CCBE1: variants seen among roughly 807,000 people sequenced by gnomAD.
The protein encoded by CCBE1 is collagen and calcium binding EGF domains 1.
A neutral mutation model predicts 50.0 loss-of-function variants in CCBE1; 37 were observed. The observed-to-expected ratio is 0.74, with a 90% CI of 0.57 to 0.97. The LOEUF is 0.97. Among genes scored for constraint, CCBE1 ranks in the 50% least tolerant of loss-of-function variants. The pLI is 0.00. For synonymous variants in CCBE1, 234 were observed against 203.7 expected, an observed-to-expected ratio of 1.15 and a Z score of -1.27; for missense variants, 538 against 523.8, an observed-to-expected ratio of 1.03 and a Z score of -0.26.
intron 2 of CCBE1, among the ~76,000 whole-genome samples, chr18:59,615,656 C>T (rs1022600801): frequency 6.6e-6 from 1 of 152,118 alleles, no homozygotes; most frequent in Non-Finnish European, 1.5e-5. Context: ...CAATATGATA[C>T]TTGGCATATA....
chr18:59,627,025 T>C (rs2053793634), intron 2 of CCBE1, among the ~76,000 whole-genome samples: 1 of 152,244 alleles, frequency 6.6e-6, no homozygotes, highest in Admixed American at 6.5e-5. Flanking sequence ...TTGATTTAGT[T>C]GATGATCCTG....
In CCBE1 at chr18:59,658,398, T is replaced by A. The variant is rs1250187236; in HGVS notation, c.212+38231A>T. Among the ~76,000 whole-genome samples, 11 of 42,726 alleles carry A rather than the reference T, an allele frequency of 2.6e-4. 2 individuals carry two copies. Among genetic ancestry groups the A allele is most frequent in the Non-Finnish European group, 3.7e-4 (9 of 24,164 alleles). 28.0% of individuals were successfully genotyped at this position (42,726 alleles called of 152,430 possible). A position where few individuals can be genotyped will look rare whatever the true frequency, so the allele number is the denominator to read the frequency against. On this transcript the variant is annotated intron_variant, in intron 2 of 10. Coordinates refer to ENST00000439986, the MANE Select transcript of CCBE1 (RefSeq NM_133459.4). Reference sequence around the variant, plus strand: ...ATATATATATATATATATATATATATATATATATATATATATATAAAGTTA... The same window carrying A: ...ATATATATATATATATATATATATAAATATATATATATATATATAAAGTTA...
At chr18:59,488,851 C>T (rs942924473) in intron 2 of CCBE1, among the ~76,000 whole-genome samples, 2 of 152,138 alleles carry the variant, frequency 1.3e-5, no homozygotes, top group Non-Finnish European at 2.9e-5. Context: ...TGTAAAAAGA[C>T]ATCTGCTGTT....
chr18:59,501,482 T>A (rs143799591), intron 2 of CCBE1, among the ~76,000 whole-genome samples: 1 of 152,276 alleles, frequency 6.6e-6, no homozygotes, highest in Non-Finnish European at 1.5e-5. Flanking sequence ...ACAAGCTGTG[T>A]GGAAGGGAAC....
chr18:59,488,451 G>T (rs552200714), intron 2 of CCBE1, among the ~76,000 whole-genome samples: 1 of 152,306 alleles, frequency 6.6e-6, no homozygotes, highest in Admixed American at 6.5e-5. Flanking sequence ...TATCATCTGG[G>T]TTTTAACTGT....
Position 59,625,430 on chromosome 18 carries a change from C to CAAAAAAAAAAAAAAA in CCBE1, c.212+71184_212+71198dup, listed in dbSNP as rs750324482. On this transcript the variant is annotated intron_variant, in intron 2 of 10. Coordinates refer to ENST00000439986, the MANE Select transcript of CCBE1 (RefSeq NM_133459.4). Reference sequence around the variant, plus strand: ...TGGGCTACAGAGTGAGATTCTGTCTCAAAAAAAAAAAAAAAAAAAAAAAAT... The same window carrying CAAAAAAAAAAAAAAA: ...TGGGCTACAGAGTGAGATTCTGTCTCAAAAAAAAAAAAAAAAAAAAAAAAAAAAAAAAAAAAAAAT... Among the ~76,000 whole-genome samples the CAAAAAAAAAAAAAAA allele has an allele frequency of 1.1e-3, 76 of 69,886 alleles. 2 individuals are homozygous for CAAAAAAAAAAAAAAA. Among genetic ancestry groups the CAAAAAAAAAAAAAAA allele is most frequent in the African/African-American group, 4.1e-3 (68 of 16,458 alleles). The allele number at this position is 69,886 out of a possible 152,430, so 45.8% of individuals were successfully genotyped here.
At chr18:59,669,813 G>A (rs759405565) in intron 2 of CCBE1, among the ~76,000 whole-genome samples, 2 of 152,214 alleles carry the variant, frequency 1.3e-5, no homozygotes, top group Non-Finnish European at 2.9e-5. Context: ...GCAGGACCTA[G>A]GATAGATTAA....
chr18:59,641,663 C>T (rs1004730177), intron 2 of CCBE1, among the ~76,000 whole-genome samples: 2 of 152,148 alleles, frequency 1.3e-5, no homozygotes, highest in African/African-American at 4.8e-5. Flanking sequence ...AAGTAGAGAT[C>T]ACTTTCTACC....
At chr18:59,689,633 A>T (rs1160441776) in intron 2 of CCBE1, among the ~76,000 whole-genome samples, 3 of 152,156 alleles carry the variant, frequency 2.0e-5, no homozygotes, top group Non-Finnish European at 2.9e-5. Context: ...GAGTCAAGCA[A>T]TGTTGGAGGG....
chr18:59,556,191 G>A (rs1253462353), intron 2 of CCBE1, among the ~76,000 whole-genome samples: 2 of 152,148 alleles, frequency 1.3e-5, no homozygotes, highest in Non-Finnish European at 2.9e-5. Context: ...ATTGTCATGG[G>A]CTGCTTTGGG....
rs367632529 is a variant in CCBE1, at chr18:59,529,260, C to CTGCTG, written c.213-49027_213-49023dup. Among the ~76,000 whole-genome samples the CTGCTG allele has an allele frequency of 4.5e-4, 69 of 152,346 alleles. 2 individuals are homozygous for CTGCTG. The East Asian group carries it at 0.011, about 24-fold the overall frequency. On this transcript the variant is annotated intron_variant, in intron 2 of 10. Coordinates refer to ENST00000439986, the MANE Select transcript of CCBE1 (RefSeq NM_133459.4). Reference sequence around the variant, plus strand: ...GCAGTCTGGTCATGATCTGCCACAGCTGCTGTGCTGTGCTGTGGGGAATTC... The same window carrying CTGCTG: ...GCAGTCTGGTCATGATCTGCCACAGCTGCTGTGCTGTGCTGTGCTGTGGGGAATTC...
At chr18:59,681,604 G>A (rs993480403) in intron 2 of CCBE1, among the ~76,000 whole-genome samples, 4 of 152,282 alleles carry the variant, frequency 2.6e-5, no homozygotes, top group South Asian at 2.1e-4. Context: ...AGTGAAATGC[G>A]AGCCAGCCAG....
At chr18:59,549,122 T>C (rs1464156773) in intron 2 of CCBE1, among the ~76,000 whole-genome samples, 5 of 97,894 alleles carry the variant, frequency 5.1e-5, no homozygotes, top group Non-Finnish European at 8.9e-5. Context: ...AAAAAAAAAA[T>C]TCACTTTGCA....
chr18:59,500,768 A>C (rs1291891351), intron 2 of CCBE1, among the ~76,000 whole-genome samples: 1 of 152,200 alleles, frequency 6.6e-6, no homozygotes, highest in Non-Finnish European at 1.5e-5. Flanking sequence ...AGAGAAGCCC[A>C]AGGGAAACCA....
At chr18:59,662,248 ACCT>A (rs2054296247) in intron 2 of CCBE1, among the ~76,000 whole-genome samples, 1 of 152,194 alleles carries the variant, frequency 6.6e-6, no homozygotes, top group South Asian at 2.1e-4. Context: ...CCATTCTGTG[ACCT>A]CAGCTGGGAA....
At chr18:59,644,841 A>G (rs2054034374) in intron 2 of CCBE1, among the ~76,000 whole-genome samples, 1 of 152,256 alleles carries the variant, frequency 6.6e-6, no homozygotes, top group Non-Finnish European at 1.5e-5. Context: ...ATTTACAAGC[A>G]AATTGAATCT....
At chr18:59,614,446 A>G (rs2053613143) in intron 2 of CCBE1, among the ~76,000 whole-genome samples, 1 of 152,246 alleles carries the variant, frequency 6.6e-6, no homozygotes. Flanking sequence ...AGCCACTAAT[A>G]AAACAATGGT....
chr18:59,682,080 C>G (rs1568271214), intron 2 of CCBE1, among the ~76,000 whole-genome samples: 1 of 152,164 alleles, frequency 6.6e-6, no homozygotes, highest in African/African-American at 2.4e-5. Context: ...CCATGTCTCC[C>G]AGACCGGGCG....
At chr18:59,564,811 G>A (rs2052795371) in intron 2 of CCBE1, among the ~76,000 whole-genome samples, 1 of 152,178 alleles carries the variant, frequency 6.6e-6, no homozygotes, top group African/African-American at 2.4e-5. Context: ...GCTAATGCAG[G>A]GTCAAAGTGA....
Sources: gnomAD v4.1 joint callset for allele counts (sites outside exome capture counted in the v4.1 genomes callset) on GRCh38, gnomAD v4.1.1 for gene constraint, MANE v1.5 for transcripts, NCBI Gene and HGNC (gene_info 2026-07-23, HGNC 2026-07-21) for gene names.